The following TSHZ2 variants were observed in gnomAD, a reference collection of about 807,000 sequenced individuals.
TSHZ2 encodes teashirt zinc finger homeobox 2.
In TSHZ2, 21 loss-of-function variants were observed where a neutral mutation model predicts 74.4. The observed-to-expected ratio is 0.28, with a 90% CI of 0.20 to 0.41. The LOEUF is 0.41. TSHZ2 is among the 10% of genes least tolerant of loss of function. TSHZ2 has a pLI of 1.00. For missense variants in TSHZ2, 1,244 were observed against 1,293.5 expected (o/e 0.96, Z 0.59); for synonymous variants, 540 against 515.3 (o/e 1.05, Z -0.65).
intron 1 of TSHZ2, among the ~76,000 whole-genome samples, chr20:53,236,978 G>T (rs1486846084): frequency 6.6e-6 from 1 of 152,176 alleles, no homozygotes; most frequent in Admixed American, 6.6e-5. Flanking sequence ...TCAAGATGAG[G>T]TTTGCATGGG....
intron 1 of TSHZ2, among the ~76,000 whole-genome samples, chr20:53,233,745 G>A (rs73911226): frequency 2.0e-5 from 3 of 152,152 alleles, no homozygotes; most frequent in African/African-American, 7.2e-5. Context: ...GAAGAACTTG[G>A]AGACTCTGTA....
At chr20:53,434,611 G>A (rs1568915482) in intron 2 of TSHZ2, among the ~76,000 whole-genome samples, 1 of 152,218 alleles carries the variant, frequency 6.6e-6, no homozygotes, top group African/African-American at 2.4e-5. Flanking sequence ...TTTTCTACGT[G>A]TAGTGGTTAT....
At chr20:53,419,864 G>A (rs1391515272) in intron 2 of TSHZ2, among the ~76,000 whole-genome samples, 4 of 152,214 alleles carry the variant, frequency 2.6e-5, no homozygotes, top group African/African-American at 7.2e-5. Flanking sequence ...GATGTACAGT[G>A]TCCCAGGGCC....
intron 1 of TSHZ2, among the ~76,000 whole-genome samples, chr20:53,021,843 G>C (rs1287656914): frequency 6.6e-6 from 1 of 152,162 alleles, no homozygotes; most frequent in Non-Finnish European, 1.5e-5. Context: ...TGGTTTTTAA[G>C]TAGTAATTTT....
chr20:53,041,619 C>T (rs1159774196), intron 1 of TSHZ2, among the ~76,000 whole-genome samples: 1 of 152,202 alleles, frequency 6.6e-6, no homozygotes, highest in Non-Finnish European at 1.5e-5. Flanking sequence ...TGCCAAGTCA[C>T]GCTCACTCTT....
At chr20:53,009,410 A>G (rs1982770617) in intron 1 of TSHZ2, among the ~76,000 whole-genome samples, 1 of 152,180 alleles carries the variant, frequency 6.6e-6, no homozygotes, top group Non-Finnish European at 1.5e-5. Flanking sequence ...TTTTCTTGTG[A>G]TGATGAAAAA....
intron 1 of TSHZ2, among the ~76,000 whole-genome samples, chr20:53,033,080 G>A (rs1983694922): frequency 2.0e-5 from 3 of 152,212 alleles, no homozygotes; most frequent in Admixed American, 1.3e-4. Context: ...CCAGAAAGTT[G>A]ATAGAACTTG....
At position 53,491,992 on chromosome 20, in the gene TSHZ2, G is replaced by T. The variant is rs773542538; in HGVS notation, c.*4857G>T. On this transcript the variant is annotated 3_prime_UTR_variant, in exon 3 of 3. Coordinates refer to ENST00000371497, the MANE Select transcript of TSHZ2 (RefSeq NM_173485.6). ...CTTAAAACAGCTTTTAGAAGTACAAGTAATAACTTTTTGATAAGAAACCCC... is the reference window on the plus strand; with the variant it reads ...CTTAAAACAGCTTTTAGAAGTACAATTAATAACTTTTTGATAAGAAACCCC... 5 of 143,468 alleles carry T rather than the reference G, an allele frequency of 3.5e-5. No homozygotes were observed. The South Asian group carries it at 1.2e-3, about 34-fold the overall frequency. The allele number at this position is 143,468 out of a possible 1,614,324, so 8.9% of individuals were successfully genotyped here.
At chr20:53,410,845 T>C (rs1398522365) in intron 2 of TSHZ2, among the ~76,000 whole-genome samples, 1 of 151,828 alleles carries the variant, frequency 6.6e-6, no homozygotes, top group African/African-American at 2.4e-5. Flanking sequence ...CTGGGTAACT[T>C]TTGTATTTTA....
Position 52,973,171 on chromosome 20 carries a change from A to T in TSHZ2, c.-123A>T, listed in dbSNP as rs1183084422. ...GGGATCGTCAGGGGGACAGAGGCCG[A>T]GTGACGTCCTAGGAGCCACCGGGCA... On this transcript the variant is annotated 5_prime_UTR_variant, in exon 1 of 3. Transcript: ENST00000371497. 2 of 1,266,054 alleles carry T rather than the reference A, an allele frequency of 1.6e-6. No individual in the cohort carries two copies. Among genetic ancestry groups the T allele is most frequent in the East Asian group, 5.2e-5 (2 of 38,564 alleles). 78.4% of individuals were successfully genotyped at this position (1,266,054 alleles called of 1,614,324 possible). A position where few individuals can be genotyped will look rare whatever the true frequency, so the allele number is the denominator to read the frequency against.
chr20:53,358,460 C>T (rs552463401), intron 2 of TSHZ2, among the ~76,000 whole-genome samples: 1 of 151,302 alleles, frequency 6.6e-6, no homozygotes, highest in African/African-American at 2.4e-5. Flanking sequence ...CGTGCCTCAG[C>T]CTCCCCAGTA....
intron 1 of TSHZ2, among the ~76,000 whole-genome samples, chr20:53,194,151 C>A (rs1436984561): frequency 1.3e-5 from 2 of 152,164 alleles, no homozygotes; most frequent in Non-Finnish European, 2.9e-5. Flanking sequence ...TGGCAGGATT[C>A]TTGACCAGTT....
At chr20:53,219,962 A>G (rs1372464294) in intron 1 of TSHZ2, among the ~76,000 whole-genome samples, 1 of 152,220 alleles carries the variant, frequency 6.6e-6, no homozygotes, top group Non-Finnish European at 1.5e-5. Flanking sequence ...GAGATCTGTC[A>G]AGGGATACTC....
chr20:53,195,260 AAAAT>A (rs902614145), intron 1 of TSHZ2, among the ~76,000 whole-genome samples: 3 of 152,188 alleles, frequency 2.0e-5, no homozygotes, highest in African/African-American at 7.2e-5. Flanking sequence ...CATTAATGAA[AAAAT>A]AAATAAATAT....
intron 1 of TSHZ2, among the ~76,000 whole-genome samples, chr20:53,071,701 C>T (rs1015878598): frequency 6.6e-6 from 1 of 152,162 alleles, no homozygotes; most frequent in African/African-American, 2.4e-5. Context: ...ACTTCTGTGA[C>T]CCATCACAGG....
At chr20:53,069,071 ATTAT>A (rs1985086047) in intron 1 of TSHZ2, among the ~76,000 whole-genome samples, 1 of 152,172 alleles carries the variant, frequency 6.6e-6, no homozygotes, top group Non-Finnish European at 1.5e-5. Context: ...TGATTTTGTT[ATTAT>A]TTAACCACTG....
intron 1 of TSHZ2, among the ~76,000 whole-genome samples, chr20:53,180,339 T>C (rs540620019): frequency 2.0e-5 from 3 of 152,328 alleles, no homozygotes; most frequent in Admixed American, 6.5e-5. Flanking sequence ...ATGATGGCAT[T>C]TTCCCTAGAG....
intron 1 of TSHZ2, among the ~76,000 whole-genome samples, chr20:53,082,206 G>C (rs1362066105): frequency 1.3e-5 from 2 of 152,126 alleles, no homozygotes; most frequent in Non-Finnish European, 2.9e-5. Flanking sequence ...CTCTTTGAAT[G>C]GTCTATGTAT....
At chr20:53,259,638 T>C (rs1422566767) in intron 2 of TSHZ2, among the ~76,000 whole-genome samples, 2 of 152,202 alleles carry the variant, frequency 1.3e-5, no homozygotes, top group Non-Finnish European at 2.9e-5. Context: ...TCCAATGAGC[T>C]GCCACTTCTG....
Sources: allele counts gnomAD v4.1 joint callset (sites outside exome capture counted in the v4.1 genomes callset), GRCh38; gene constraint gnomAD v4.1.1; transcripts MANE v1.5; gene names NCBI Gene and HGNC (gene_info 2026-07-23, HGNC 2026-07-21).